Variants in SGCD observed in about 807,000 individuals in gnomAD.
The protein encoded by SGCD is sarcoglycan delta.
A neutral mutation model predicts 36.6 loss-of-function variants in SGCD; 18 were observed. The observed-to-expected ratio is 0.49, with a 90% confidence interval of 0.34 to 0.73. The LOEUF (loss-of-function observed/expected upper bound fraction) is 0.73. Among genes scored for constraint, SGCD ranks in the 30% least tolerant of loss-of-function variants. The pLI is 0.01. For missense variants in SGCD, 387 were observed against 346.7 expected (o/e 1.12, Z -0.92); for synonymous variants, 133 against 130.6 (o/e 1.02, Z -0.12).
At chr5:156,021,629 TG>T (rs1459666937) in intron 1 of SGCD, among the ~76,000 whole-genome samples, 1 of 152,102 alleles carries the variant, frequency 6.6e-6, no homozygotes, top group Non-Finnish European at 1.5e-5. Context: ...AAAGCTGCAA[TG>T]TGATGTTCAA....
intron 3 of SGCD, among the ~76,000 whole-genome samples, chr5:156,319,067 C>T (rs1251217003): frequency 1.3e-5 from 2 of 152,144 alleles, no homozygotes; most frequent in African/African-American, 4.8e-5. Context: ...GCCAATAAAG[C>T]CCCTATGTGC....
At position 156,312,412 on chromosome 5, in the gene SGCD, T is replaced by C. The variant is rs187537376; in HGVS notation, c.-43-17122T>C. On this transcript the variant is annotated intron_variant, in intron 3 of 9. Coordinates refer to the SGCD transcript ENST00000517913. The stretch of plus-strand genomic sequence containing the variant: ...GTAATCCTTAGCTACCACATAGGGA[T>C]TCTAAAACCCAAGTGAAACACTGTG... Among the ~76,000 whole-genome samples, 58 of 152,326 alleles carry C rather than the reference T, an allele frequency of 3.8e-4. 1 individual carries two copies. In the East Asian group the frequency reaches 9.1e-3, roughly 24 times the overall value.
At position 156,275,290 on chromosome 5, in the gene SGCD, C is replaced by A. The variant is rs1766286424; in HGVS notation, c.-43-54244C>A. On this transcript the variant is annotated intron_variant, in intron 3 of 9. Transcript: ENST00000517913. ...AGTCCAGGATAGAAACAAGACACCACATGGGGTATAGAAGAAAATGCCAGG... is the reference window on the plus strand; with the variant it reads ...AGTCCAGGATAGAAACAAGACACCAAATGGGGTATAGAAGAAAATGCCAGG... Among the ~76,000 whole-genome samples the A allele has an allele frequency of 2.0e-5, 3 of 152,080 alleles. No individual in the cohort carries two copies. In the South Asian group the frequency reaches 6.2e-4, roughly 32 times the overall value.
chr5:155,897,231 A>G (rs1052419396), intron 1 of SGCD, among the ~76,000 whole-genome samples: 2 of 152,216 alleles, frequency 1.3e-5, no homozygotes, highest in African/African-American at 4.8e-5. Context: ...GAATACTATA[A>G]GCAACTATAA....
intron 6 of SGCD, among the ~76,000 whole-genome samples, chr5:156,611,324 T>G (rs1031943788): frequency 1.3e-5 from 2 of 152,250 alleles, no homozygotes; most frequent in Non-Finnish European, 2.9e-5. Context: ...CCTCAGCTTT[T>G]GCTTGTGTGC....
chr5:155,981,634 A>G (rs1758231325), intron 1 of SGCD, among the ~76,000 whole-genome samples: 1 of 151,956 alleles, frequency 6.6e-6, no homozygotes, highest in Non-Finnish European at 1.5e-5. Context: ...TGCTGTGTTC[A>G]GCTTAGTCTC....
chr5:155,812,635 C>A, the SGCD span, among the ~76,000 whole-genome samples: 1 of 152,144 alleles, frequency 6.6e-6, no homozygotes, highest in Non-Finnish European at 1.5e-5. Context: ...ATTGCAAGTT[C>A]ACCTCAACAC....
At chr5:155,751,070 TTGAC>T in the SGCD span, among the ~76,000 whole-genome samples, 2 of 152,202 alleles carry the variant, frequency 1.3e-5, no homozygotes, top group Non-Finnish European at 2.9e-5. Context: ...AAGTGATTCT[TTGAC>T]TGTTTTATAT....
chr5:156,657,282 C>G (rs1464904925), intron 7 of SGCD, among the ~76,000 whole-genome samples: 1 of 151,122 alleles, frequency 6.6e-6, no homozygotes, highest in African/African-American at 2.4e-5. Flanking sequence ...TTTTAGGGTA[C>G]ATGTGCACAA....
chr5:156,515,601 C>T (rs1757124162), intron 4 of SGCD, among the ~76,000 whole-genome samples: 1 of 152,192 alleles, frequency 6.6e-6, no homozygotes, highest in African/African-American at 2.4e-5. Flanking sequence ...GATTGTGCTA[C>T]CCTGCCAAGG....
At chr5:156,351,091 T>C (rs1389022630) in intron 3 of SGCD, among the ~76,000 whole-genome samples, 2 of 152,142 alleles carry the variant, frequency 1.3e-5, no homozygotes, top group African/African-American at 2.4e-5. Flanking sequence ...TCCAGTGACG[T>C]TTTATGTTTA....
chr5:156,549,014 A>C (rs954166164), intron 4 of SGCD, among the ~76,000 whole-genome samples: 4 of 152,020 alleles, frequency 2.6e-5, no homozygotes, highest in African/African-American at 9.7e-5. Context: ...CAGACAACAC[A>C]CTGCTTAGAT....
At chr5:156,710,738 A>C (rs1754951135) in intron 7 of SGCD, among the ~76,000 whole-genome samples, 1 of 152,324 alleles carries the variant, frequency 6.6e-6, no homozygotes, top group African/African-American at 2.4e-5. Context: ...GTGAAGACCA[A>C]AGTTCTTACA....
rs576432771 is a variant in SGCD at position 156,271,762 on chromosome 5, T to G, written c.-43-57772T>G. 2.0e-5 allele frequency among the ~76,000 whole-genome samples: 3 copies of G among 152,254 alleles called. No individual in the cohort carries two copies. In the South Asian group the frequency reaches 6.2e-4, roughly 32 times the overall value. On this transcript the variant is annotated intron_variant, in intron 3 of 9. Coordinates refer to the SGCD transcript ENST00000517913. ...CAGAGAACATGATGGATTTGTGCTC[T>G]CCCCTTGCATACAGTCTAAAGTTAG...
chr5:156,121,585 A>C (rs1398539282), intron 2 of SGCD, among the ~76,000 whole-genome samples: 1 of 152,160 alleles, frequency 6.6e-6, no homozygotes, highest in Non-Finnish European at 1.5e-5. Flanking sequence ...AGATCTTCAA[A>C]GGTATTTATG....
chr5:156,519,992 C>T (rs996113395), intron 4 of SGCD, among the ~76,000 whole-genome samples: 2 of 152,094 alleles, frequency 1.3e-5, no homozygotes, highest in Non-Finnish European at 2.9e-5. Context: ...TCCTATTCAA[C>T]ATAGTATTGG....
chr5:156,041,542 A>G (rs1178739508), intron 1 of SGCD, among the ~76,000 whole-genome samples: 5 of 152,178 alleles, frequency 3.3e-5, no homozygotes, highest in Non-Finnish European at 5.9e-5. Context: ...TTGATTTTCA[A>G]CAGGATTGAA....
At chr5:156,335,298 A>G (rs1768290833) in intron 2 of SGCD, among the ~76,000 whole-genome samples, 1 of 152,214 alleles carries the variant, frequency 6.6e-6, no homozygotes, top group Non-Finnish European at 1.5e-5. Flanking sequence ...AATACAAGGT[A>G]TATTACAATT....
intron 1 of SGCD, among the ~76,000 whole-genome samples, chr5:155,919,099 A>G (rs1756816842): frequency 6.6e-6 from 1 of 152,258 alleles, no homozygotes; most frequent in Admixed American, 6.5e-5. Flanking sequence ...TCCAATTTGT[A>G]GAAAGCACTG....
Sources: gnomAD v4.1 joint callset for allele counts (sites outside exome capture counted in the v4.1 genomes callset) on GRCh38, gnomAD v4.1.1 for gene constraint, MANE v1.5 for transcripts, NCBI Gene and HGNC (gene_info 2026-07-23, HGNC 2026-07-21) for gene names.